Variants in BMAL1 observed in about 807,000 individuals in gnomAD.
BMAL1 encodes basic helix-loop-helix ARNT like 1, also known as basic helix-loop-helix ARNT-like protein 1.
At chr11:13,320,584 A>C in the BMAL1 span, among the ~76,000 whole-genome samples, 1 of 152,188 alleles carries the variant, frequency 6.6e-6, no homozygotes, top group African/African-American at 2.4e-5. Context: ...ATTTTGAAGG[A>C]TATACGAATT....
At chr11:13,290,559 A>ATGTTATTGT in the BMAL1 span, among the ~76,000 whole-genome samples, 182 of 149,058 alleles carry the variant, frequency 1.2e-3, no homozygotes, top group African/African-American at 4.4e-3. Flanking sequence ...ACAAGTGTAT[A>ATGTTATTGT]TATTATTATT....
chr11:13,319,889 G>T, the BMAL1 span, among the ~76,000 whole-genome samples: 1 of 152,234 alleles, frequency 6.6e-6, no homozygotes, highest in African/African-American at 2.4e-5. Flanking sequence ...GACCTGGGGA[G>T]TGGGAGATGG....
At chr11:13,278,082 C>A in the BMAL1 span, among the ~76,000 whole-genome samples, 2 of 152,146 alleles carry the variant, frequency 1.3e-5, no homozygotes, top group Admixed American at 6.5e-5. Context: ...TTAAAGGGCC[C>A]GTGACCGCTC....
the BMAL1 span, among the ~76,000 whole-genome samples, chr11:13,363,589 G>A: frequency 1.3e-5 from 2 of 152,188 alleles, no homozygotes; most frequent in East Asian, 1.9e-4. Context: ...CTTTTCCTCA[G>A]CAATGCAAAA....
chr11:13,301,199 T>C, the BMAL1 span, among the ~76,000 whole-genome samples: 1 of 152,156 alleles, frequency 6.6e-6, no homozygotes, highest in African/African-American at 2.4e-5. Flanking sequence ...CCTCCCAAAG[T>C]GTTGGGATTA....
chr11:13,284,266 A>ATATT, the BMAL1 span, among the ~76,000 whole-genome samples: 9 of 44,882 alleles, frequency 2.0e-4, 2 homozygotes, highest in African/African-American at 7.3e-4. Flanking sequence ...ATATATATAT[A>ATATT]TTTTTTTTTT....
the BMAL1 span, chr11:13,369,538 G>T: frequency 1.3e-6 from 2 of 1,536,744 alleles, no homozygotes; most frequent in Non-Finnish European, 1.8e-6. Context: ...GGCAAGAAAA[G>T]GCTTTGCTCA....
chr11:13,313,311 A>G, the BMAL1 span, among the ~76,000 whole-genome samples: 1 of 151,866 alleles, frequency 6.6e-6, no homozygotes, highest in African/African-American at 2.4e-5. Flanking sequence ...GGTCCCTTTC[A>G]CGTCATCCTT....
At chr11:13,375,987 G>C in the BMAL1 span, among the ~76,000 whole-genome samples, 3 of 152,194 alleles carry the variant, frequency 2.0e-5, no homozygotes, top group Non-Finnish European at 2.9e-5. Flanking sequence ...AACTGCTCCA[G>C]GAAATAGCAA....
chr11:13,305,113 T>C, the BMAL1 span, among the ~76,000 whole-genome samples: 1 of 152,186 alleles, frequency 6.6e-6, no homozygotes, highest in Non-Finnish European at 1.5e-5. Context: ...GAGATGGGAC[T>C]TTTTAATAGA....
the BMAL1 span, among the ~76,000 whole-genome samples, chr11:13,286,642 T>C: frequency 3.9e-5 from 6 of 152,308 alleles, no homozygotes; most frequent in East Asian, 1.2e-3. Context: ...GTTCCCCATG[T>C]GCAGAGCTCT....
chr11:13,298,363 C>A, the BMAL1 span, among the ~76,000 whole-genome samples: 1 of 152,164 alleles, frequency 6.6e-6, no homozygotes, highest in African/African-American at 2.4e-5. Flanking sequence ...AGTTAGCTCA[C>A]CTTCTTCAGG....
chr11:13,324,822 G>A, the BMAL1 span, among the ~76,000 whole-genome samples: 2 of 152,246 alleles, frequency 1.3e-5, no homozygotes, highest in Admixed American at 6.5e-5. Flanking sequence ...GAAGACTTTG[G>A]AGTTTATTTC....
At chr11:13,366,851 A>G in the BMAL1 span, 2 of 1,286,016 alleles carry the variant, frequency 1.6e-6, no homozygotes, top group Non-Finnish European at 2.2e-6. Flanking sequence ...GAGTGAGCAG[A>G]GGGCGGGTGT....
At chr11:13,284,192 ATGTGTGTATATATATATGTG>A in the BMAL1 span, among the ~76,000 whole-genome samples, 3,455 of 59,438 alleles carry the variant, frequency 0.058, 393 homozygotes, top group South Asian at 0.098. Context: ...ATATATATAT[ATGTGTGTATATATATATGTG>A]TATATATATA....
the BMAL1 span, among the ~76,000 whole-genome samples, chr11:13,285,063 C>G: frequency 6.6e-6 from 1 of 152,170 alleles, no homozygotes; most frequent in African/African-American, 2.4e-5. Flanking sequence ...TTGCCCGTGC[C>G]TGCCTTGGAT....
chr11:13,382,410 C>T, the BMAL1 span, among the ~76,000 whole-genome samples: 2 of 152,180 alleles, frequency 1.3e-5, no homozygotes, highest in African/African-American at 4.8e-5. Context: ...TAGCCAGCAT[C>T]TTTGCACGAG....
At chr11:13,281,890 G>C in the BMAL1 span, among the ~76,000 whole-genome samples, 1 of 152,134 alleles carries the variant, frequency 6.6e-6, no homozygotes, top group South Asian at 2.1e-4. Context: ...CTGGTTTCTT[G>C]ATTCTCTTCC....
the BMAL1 span, among the ~76,000 whole-genome samples, chr11:13,333,637 T>G: frequency 6.6e-6 from 1 of 152,196 alleles, no homozygotes; most frequent in African/African-American, 2.4e-5. Context: ...TGCAGGAGGA[T>G]CCCATCTGCG....
Sources: allele counts gnomAD v4.1 joint callset (sites outside exome capture counted in the v4.1 genomes callset), GRCh38; gene constraint gnomAD v4.1.1; transcripts MANE v1.5; gene names NCBI Gene and HGNC (gene_info 2026-07-23, HGNC 2026-07-21).